The following CALCRL variants were observed in gnomAD, a reference collection of about 807,000 sequenced individuals.
CALCRL encodes the protein calcitonin gene-related peptide type 1 receptor.
CALCRL carries 27 observed loss-of-function variants against 60.4 expected under a neutral mutation model. The observed-to-expected ratio is 0.45, with a 90% CI of 0.33 to 0.62. The LOEUF (loss-of-function observed/expected upper bound fraction) is 0.62. Among genes scored for constraint, CALCRL ranks in the 20% least tolerant of loss-of-function variants. The probability of loss-of-function intolerance (pLI) is 0.03; values close to 1 mark genes in which losing one functional copy is unlikely to be tolerated. For missense variants in CALCRL, 424 were observed against 540.7 expected, an observed-to-expected ratio of 0.78 and a Z score of 2.14; for synonymous variants, 190 against 182.6, an observed-to-expected ratio of 1.04 and a Z score of -0.33.
chr2:187,381,924 C>G (rs1210706555), intron 5 of CALCRL, among the ~76,000 whole-genome samples: 1 of 152,050 alleles, frequency 6.6e-6, no homozygotes, highest in Non-Finnish European at 1.5e-5. Context: ...TAAAAACCAA[C>G]AAAATTTTAA....
chr2:187,353,013 A>C (rs1686602813), intron 12 of CALCRL, among the ~76,000 whole-genome samples: 1 of 151,908 alleles, frequency 6.6e-6, no homozygotes, highest in African/African-American at 2.4e-5. Context: ...TGCCTCAACA[A>C]CTTTCTCGAA....
At chr2:187,417,238 T>TTAAC (rs1689652533) in intron 1 of CALCRL, among the ~76,000 whole-genome samples, 1 of 151,800 alleles carries the variant, frequency 6.6e-6, no homozygotes. Flanking sequence ...AGTAGCATAG[T>TTAAC]TAACAACTAC....
In CALCRL at chr2:187,346,401, TATCA is replaced by T; in HGVS notation, c.1171-6_1171-3del. The T allele has an allele frequency of 6.3e-7, 1 of 1,599,276 alleles. No individual in the cohort carries two copies. Among genetic ancestry groups the T allele is most frequent in the Non-Finnish European group, 8.5e-7 (1 of 1,170,008 alleles). ...GTTTCTTCTCAGAATTGCTTGAACC[TATCA>T]ATCAAAAGGAAAACAGAAAGAACAA... On this transcript the variant is annotated splice_polypyrimidine_tract_variant and splice_region_variant and intron_variant, in intron 14 of 14. Coordinates refer to ENST00000392370, the MANE Select transcript of CALCRL (RefSeq NM_005795.6).
rs77041059 is a variant in CALCRL, at chr2:187,448,082, A to G, written c.-336T>C. ...AAATTCTTTGTGAAATATTCTCAGGATGGAACTTTACTTTCTGAGATTCCG... is the reference window on the plus strand; with the variant it reads ...AAATTCTTTGTGAAATATTCTCAGGGTGGAACTTTACTTTCTGAGATTCCG... On this transcript the variant is annotated 5_prime_UTR_variant, in exon 1 of 15. Transcript: ENST00000392370. 1 of 152,082 alleles carries G rather than the reference A, an allele frequency of 6.6e-6. No homozygotes were observed. The highest frequency in any genetic ancestry group is 1.5e-5 in the Non-Finnish European group (1 of 68,008). 9.4% of individuals were successfully genotyped at this position (152,082 alleles called of 1,614,324 possible). A position where few individuals can be genotyped will look rare whatever the true frequency, so the allele number is the denominator to read the frequency against.
Position 187,360,583 on chromosome 2 carries a change from T to C in CALCRL, c.781+15A>G. Reference sequence around the variant, plus strand: ...TTAATCCACTGAATCAACAAGTATGTATAATAACACTTACCCCAGCCAAGA... The same window carrying C: ...TTAATCCACTGAATCAACAAGTATGCATAATAACACTTACCCCAGCCAAGA... On this transcript the variant is annotated intron_variant, in intron 10 of 14. Transcript: ENST00000392370. 1.9e-6 allele frequency: 3 copies of C among 1,599,100 alleles called. No individual in the cohort carries two copies. Among genetic ancestry groups the C allele is most frequent in the Non-Finnish European group, 2.6e-6 (3 of 1,173,336 alleles).
At position 187,342,604 on chromosome 2, in the gene CALCRL, A is replaced by G. The variant is rs767605820; in HGVS notation, c.*3580T>C. Among the ~76,000 whole-genome samples the G allele has an allele frequency of 3.3e-5, 5 of 151,666 alleles. No homozygotes were observed. Among genetic ancestry groups the G allele is most frequent in the Non-Finnish European group, 7.4e-5 (5 of 67,670 alleles). On this transcript the variant is annotated 3_prime_UTR_variant, in exon 15 of 15. Coordinates refer to ENST00000392370, the MANE Select transcript of CALCRL (RefSeq NM_005795.6). ...AGTATAATCACAAGGAGGAGAGATT[A>G]TAAGAAAAAAACACAAGTGTTTTAA...
chr2:187,433,702 C>T (rs1690499450), intron 1 of CALCRL, among the ~76,000 whole-genome samples: 1 of 151,952 alleles, frequency 6.6e-6, no homozygotes. Context: ...AGGGATAACA[C>T]CTATACTTTC....
In CALCRL at chr2:187,342,419, C is replaced by A. The variant is rs1473445548; in HGVS notation, c.*3765G>T. Reference sequence around the variant, plus strand: ...ATTATATGATATGTCAAGTATATCTCAATGAAGCTGTTAAAAAGTGCACTA... The same window carrying A: ...ATTATATGATATGTCAAGTATATCTAAATGAAGCTGTTAAAAAGTGCACTA... On this transcript the variant is annotated 3_prime_UTR_variant, in exon 15 of 15. Coordinates refer to ENST00000392370, the MANE Select transcript of CALCRL (RefSeq NM_005795.6). Among the ~76,000 whole-genome samples, 1 of 151,680 alleles carries A rather than the reference C, an allele frequency of 6.6e-6. No individual in the cohort carries two copies. Among genetic ancestry groups the A allele is most frequent in the Non-Finnish European group, 1.5e-5 (1 of 67,712 alleles).
At chr2:187,436,243 T>C (rs1690639152) in intron 1 of CALCRL, among the ~76,000 whole-genome samples, 1 of 152,212 alleles carries the variant, frequency 6.6e-6, no homozygotes, top group Non-Finnish European at 1.5e-5. Flanking sequence ...AAGAGAACAC[T>C]ATGTCAGGGC....
At chr2:187,361,009 A>G (rs182359559) in intron 9 of CALCRL, among the ~76,000 whole-genome samples, 64 of 152,182 alleles carry the variant, frequency 4.2e-4, no homozygotes, top group African/African-American at 1.3e-3. Context: ...TATTTAGTGA[A>G]TGTGTATTTT....
Position 187,363,390 on chromosome 2 carries a change from C to G in CALCRL, c.613G>C (p.Val205Leu), listed in dbSNP as rs767991709. 9.3e-6 allele frequency: 15 copies of G among 1,610,666 alleles called. No homozygotes were observed. The highest frequency in any genetic ancestry group is 1.3e-5 in the Non-Finnish European group (15 of 1,178,604). ...GGTTTACTTACAGGATTTGTGGCTA[C>G]TAAGGCCTGGTTGTTGGCCACTGCA... Reference protein sequence around the residue: ...LTAVANNQALVATNPVSCKVS... With the variant: ...LTAVANNQALLATNPVSCKVS... Residue 205 changes from valine (V) to leucine (L), a missense_variant, in exon 9 of 15, where the codon GTA becomes CTA. Transcript: ENST00000392370.
rs1269638430 is a variant in CALCRL, at chr2:187,345,209, G to A, written c.*975C>T. On this transcript the variant is annotated 3_prime_UTR_variant, in exon 15 of 15. Transcript: ENST00000392370. ...TATATTTGCTTTAAAAATTACATAG[G>A]TTGTATGTATTTGATTTGAGACTAT... 2 of 151,794 alleles carry A rather than the reference G, an allele frequency of 1.3e-5. No homozygotes were observed. Among genetic ancestry groups the A allele is most frequent in the Admixed American group, 6.6e-5 (1 of 15,140 alleles). 9.4% of individuals were successfully genotyped at this position (151,794 alleles called of 1,614,324 possible).
chr2:187,343,375 G>A lies in CALCRL; in HGVS notation c.*2809C>T, dbSNP rs1686160206. On this transcript the variant is annotated 3_prime_UTR_variant, in exon 15 of 15. Transcript: ENST00000392370. ...AGGCATAACATAAATTGTTATAATT[G>A]ATCAGAATATCTTGAATATATTTTT... The A allele has an allele frequency of 6.6e-6, 1 of 151,674 alleles. No individual in the cohort carries two copies. Among genetic ancestry groups the A allele is most frequent in the Admixed American group, 6.6e-5 (1 of 15,138 alleles). The allele number at this position is 151,674 out of a possible 1,614,324, so 9.4% of individuals were successfully genotyped here.
chr2:187,426,040 T>G (rs1232893863), intron 1 of CALCRL, among the ~76,000 whole-genome samples: 2 of 151,852 alleles, frequency 1.3e-5, no homozygotes, highest in African/African-American at 4.8e-5. Flanking sequence ...TTATAGAATT[T>G]TATTCTATTA....
chr2:187,434,236 C>T lies in CALCRL; in HGVS notation c.-293+13803G>A, dbSNP rs114319859. ...GCAATAAAACATATTTTTGCTTTCC[C>T]TGGACCACCTAACCAAAGAGAGATA... On this transcript the variant is annotated intron_variant, in intron 1 of 14. Coordinates refer to ENST00000392370, the MANE Select transcript of CALCRL (RefSeq NM_005795.6). Among the ~76,000 whole-genome samples the T allele has an allele frequency of 8.7e-3, 1,330 of 152,124 alleles. 16 individuals carry two copies. Among genetic ancestry groups the T allele is most frequent in the African/African-American group, 0.03 (1,265 of 41,526 alleles).
intron 10 of CALCRL, among the ~76,000 whole-genome samples, chr2:187,359,959 T>C (rs1686978389): frequency 1.3e-5 from 2 of 152,046 alleles, no homozygotes; most frequent in South Asian, 2.1e-4. Context: ...GGTAGATAGA[T>C]GATAATAGAT....
At chr2:187,440,970 A>G (rs2105909576) in intron 1 of CALCRL, among the ~76,000 whole-genome samples, 1 of 152,210 alleles carries the variant, frequency 6.6e-6, no homozygotes, top group East Asian at 1.9e-4. Context: ...ATATTTGCTC[A>G]TATCTCATTT....
At chr2:187,373,285 T>G (rs905548584) in intron 8 of CALCRL, among the ~76,000 whole-genome samples, 1 of 152,200 alleles carries the variant, frequency 6.6e-6, no homozygotes, top group Admixed American at 6.5e-5. Flanking sequence ...TAGATCATTC[T>G]ATGGAATAAA....
At chr2:187,447,388 T>A (rs1313776149) in intron 1 of CALCRL, among the ~76,000 whole-genome samples, 1 of 151,822 alleles carries the variant, frequency 6.6e-6, no homozygotes, top group East Asian at 1.9e-4. Context: ...TTTTTCTTTG[T>A]AGCCGACACC....
Sources: gnomAD v4.1 joint callset for allele counts (sites outside exome capture counted in the v4.1 genomes callset) on GRCh38, gnomAD v4.1.1 for gene constraint, MANE v1.5 for transcripts, NCBI Gene and HGNC (gene_info 2026-07-23, HGNC 2026-07-21) for gene names.